The following RNF152 variants were observed in gnomAD, a reference collection of about 807,000 sequenced individuals.
RNF152 encodes E3 ubiquitin-protein ligase RNF152.
In RNF152, 11 loss-of-function variants were observed where a neutral mutation model predicts 12.7. The observed-to-expected ratio is 0.86, with a 90% CI of 0.54 to 1.43. The LOEUF is 1.43. RNF152 is among the 40% of genes most tolerant of loss of function. The probability of loss-of-function intolerance (pLI) is 0.00; values close to 1 mark genes in which losing one functional copy is unlikely to be tolerated. For synonymous variants in RNF152, 113 were observed against 120.3 expected (o/e 0.94, Z 0.40); for missense variants, 255 against 274.8 (o/e 0.93, Z 0.51).
chr18:61,867,331 A>C (rs1911779495), intron 1 of RNF152, among the ~76,000 whole-genome samples: 1 of 152,110 alleles, frequency 6.6e-6, no homozygotes, highest in African/African-American at 2.4e-5. Flanking sequence ...ATGCTCCTGT[A>C]GTCTCAGCTA....
At chr18:61,864,154 C>T (rs1452690429) in intron 1 of RNF152, among the ~76,000 whole-genome samples, 2 of 152,100 alleles carry the variant, frequency 1.3e-5, no homozygotes, top group Non-Finnish European at 2.9e-5. Context: ...CCATTTTGAC[C>T]CTAACTACCC....
At chr18:61,829,389 T>C (rs931174721) in intron 1 of RNF152, among the ~76,000 whole-genome samples, 47 of 151,864 alleles carry the variant, frequency 3.1e-4, no homozygotes, top group African/African-American at 9.4e-4. Context: ...AAGCAGGGGG[T>C]GGTCCCAAGG....
At chr18:61,884,261 C>T (rs759632759) in intron 1 of RNF152, among the ~76,000 whole-genome samples, 7 of 152,136 alleles carry the variant, frequency 4.6e-5, no homozygotes, top group Non-Finnish European at 8.8e-5. Context: ...AGACCTTGTG[C>T]ACTCAGGTCA....
At position 61,811,279 on chromosome 18, in the gene RNF152, T is replaced by C. The variant is rs919764086; in HGVS notation, c.*4573A>G. ...AAATCAAAATCTAGACTGGAATAAA[T>C]ACCAGATTATCAGTAAGAATCTGGT... On this transcript the variant is annotated 3_prime_UTR_variant, in exon 2 of 2. Coordinates refer to ENST00000312828, the MANE Select transcript of RNF152 (RefSeq NM_173557.3). 1 of 152,182 alleles carries C rather than the reference T, an allele frequency of 6.6e-6. No homozygotes were observed. The highest frequency in any genetic ancestry group is 2.4e-5 in the African/African-American group (1 of 41,450). The allele number at this position is 152,182 out of a possible 1,614,324, so 9.4% of individuals were successfully genotyped here. A position where few individuals can be genotyped will look rare whatever the true frequency, so the allele number is the denominator to read the frequency against.
At chr18:61,834,441 C>T (rs1910089413) in intron 1 of RNF152, among the ~76,000 whole-genome samples, 1 of 152,224 alleles carries the variant, frequency 6.6e-6, no homozygotes, top group African/African-American at 2.4e-5. Context: ...TTTAGTCTCC[C>T]ACACTGAAAA....
rs1912947116 is a variant in RNF152 at position 61,810,857 on chromosome 18, CT to C, written c.*4994del. ...ATGGAAATGTCAAGGAACAGCTTCT[CT>C]ATCTAAGTCAGGGATGACAGACTGA... On this transcript the variant is annotated 3_prime_UTR_variant, in exon 2 of 2. Coordinates refer to ENST00000312828, the MANE Select transcript of RNF152 (RefSeq NM_173557.3). The C allele has an allele frequency of 6.6e-6, 1 of 151,176 alleles. No homozygotes were observed. Among genetic ancestry groups the C allele is most frequent in the African/African-American group, 2.4e-5 (1 of 40,846 alleles). 9.4% of individuals were successfully genotyped at this position (151,176 alleles called of 1,614,324 possible).
intron 1 of RNF152, among the ~76,000 whole-genome samples, chr18:61,858,697 A>G (rs1911333354): frequency 1.3e-5 from 2 of 152,028 alleles, no homozygotes; most frequent in South Asian, 2.1e-4. Context: ...TAAAACTTCT[A>G]TATTCCATGG....
rs1328686260 is a variant in RNF152, at chr18:61,808,163, T to G, written c.*7689A>C. ...CATATACAAAGGACAAGACACCAGT[T>G]TGGCATACAAAAATACCATATATTA... On this transcript the variant is annotated 3_prime_UTR_variant, in exon 2 of 2. Coordinates refer to ENST00000312828, the MANE Select transcript of RNF152 (RefSeq NM_173557.3). 3.3e-5 allele frequency: 5 copies of G among 152,008 alleles called. No homozygotes were observed. Among genetic ancestry groups the G allele is most frequent in the Admixed American group, 2.6e-4 (4 of 15,250 alleles). The allele number at this position is 152,008 out of a possible 1,614,324, so 9.4% of individuals were successfully genotyped here.
chr18:61,850,042 T>C (rs1463310952), intron 1 of RNF152, among the ~76,000 whole-genome samples: 1 of 152,252 alleles, frequency 6.6e-6, no homozygotes, highest in Non-Finnish European at 1.5e-5. Flanking sequence ...CAATATTTTC[T>C]TCCTGTCTCT....
At chr18:61,827,160 C>A (rs1470331139) in intron 1 of RNF152, among the ~76,000 whole-genome samples, 1 of 152,154 alleles carries the variant, frequency 6.6e-6, no homozygotes, top group Non-Finnish European at 1.5e-5. Context: ...TGAACTTTGG[C>A]CATAATTCCC....
chr18:61,828,298 T>G (rs886321182), intron 1 of RNF152, among the ~76,000 whole-genome samples: 2 of 152,206 alleles, frequency 1.3e-5, no homozygotes, highest in Non-Finnish European at 2.9e-5. Context: ...GCTAGTATGG[T>G]GACTATTCAC....
intron 1 of RNF152, among the ~76,000 whole-genome samples, chr18:61,861,538 T>C (rs1911482752): frequency 6.6e-6 from 1 of 152,216 alleles, no homozygotes; most frequent in African/African-American, 2.4e-5. Context: ...AATATATCCC[T>C]GTCATCAAGT....
At position 61,809,206 on chromosome 18, in the gene RNF152, C is replaced by T. The variant is rs897616406; in HGVS notation, c.*6646G>A. On this transcript the variant is annotated 3_prime_UTR_variant, in exon 2 of 2. Coordinates refer to ENST00000312828, the MANE Select transcript of RNF152 (RefSeq NM_173557.3). ...ACCCAGTGCTTCATGTCTCCCTTTC[C>T]CTCTCCCTCTCCCTCTACTTAATAG... 1.3e-5 allele frequency: 2 copies of T among 152,050 alleles called. No homozygotes were observed. Among genetic ancestry groups the T allele is most frequent in the African/African-American group, 4.8e-5 (2 of 41,388 alleles). The allele number at this position is 152,050 out of a possible 1,614,324, so 9.4% of individuals were successfully genotyped here.
chr18:61,862,449 G>A (rs1252828057), intron 1 of RNF152, among the ~76,000 whole-genome samples: 1 of 152,210 alleles, frequency 6.6e-6, no homozygotes, highest in African/African-American at 2.4e-5. Context: ...TCAAAAAGGT[G>A]GGAGGGAAGA....
chr18:61,852,302 T>C (rs929902807), intron 1 of RNF152, among the ~76,000 whole-genome samples: 1 of 152,224 alleles, frequency 6.6e-6, no homozygotes, highest in African/African-American at 2.4e-5. Flanking sequence ...CTCCCCTCAC[T>C]ACTGCTTTTT....
At chr18:61,859,416 T>A (rs931023563) in intron 1 of RNF152, among the ~76,000 whole-genome samples, 1 of 152,134 alleles carries the variant, frequency 6.6e-6, no homozygotes, top group African/African-American at 2.4e-5. Flanking sequence ...GTCAGAGACA[T>A]AATTGCAAGG....
Position 61,860,127 on chromosome 18 carries a change from C to T in RNF152, c.-136+32668G>A, listed in dbSNP as rs925973171. On this transcript the variant is annotated intron_variant, in intron 1 of 1. Coordinates refer to ENST00000312828, the MANE Select transcript of RNF152 (RefSeq NM_173557.3). ...GGAATGCCAAGGACTGCCGACAGCA[C>T]GAGAAGCTGGGGAAGGGAGGAAGGG... is the stretch of plus-strand genomic sequence containing the variant. 7.2e-5 allele frequency among the ~76,000 whole-genome samples: 11 copies of T among 152,018 alleles called. No individual in the cohort carries two copies. In the South Asian group the frequency reaches 8.3e-4, roughly 11 times the overall value.
chr18:61,888,818 C>A (rs1319930315), intron 1 of RNF152: 2 of 152,220 alleles, frequency 1.3e-5, no homozygotes, highest in African/African-American at 4.8e-5. Context: ...AAAACCAACA[C>A]CTTCTTCCTT....
At position 61,816,276 on chromosome 18, in the gene RNF152, C is replaced by G. The variant is rs899444439; in HGVS notation, c.188G>C (p.Gly63Ala). 8 of 1,614,092 alleles carry G rather than the reference C, an allele frequency of 5.0e-6. No individual in the cohort carries two copies. The highest frequency in any genetic ancestry group is 1.3e-5 in the African/African-American group (1 of 74,944). Residue 63 changes from glycine (G) to alanine (A), a missense_variant, in exon 2 of 2, where the codon GGC becomes GCC. Gly to Ala is a moderately conservative substitution (Grantham distance 60). Coordinates refer to ENST00000312828, the MANE Select transcript of RNF152 (RefSeq NM_173557.3). ...WCRGVTKLPP[G>A]FSVSQLPDDP... ...GTCCGGGAGCTGCGACACGGAGAAG[C>G]CGGGAGGCAGCTTGGTGACACCGCG... is the stretch of plus-strand genomic sequence containing the variant.
Sources: allele counts gnomAD v4.1 joint callset (sites outside exome capture counted in the v4.1 genomes callset), GRCh38; gene constraint gnomAD v4.1.1; transcripts MANE v1.5; gene names NCBI Gene and HGNC (gene_info 2026-07-23, HGNC 2026-07-21).